The following MAST4 variants were observed in gnomAD, a reference collection of about 807,000 sequenced individuals.
MAST4 encodes the protein microtubule associated serine/threonine kinase family member 4.
Under a neutral mutation model 162.7 loss-of-function variants are expected in MAST4, and 89 were observed. The observed-to-expected ratio is 0.55, with a 90% CI of 0.46 to 0.65. The LOEUF is 0.65. Ranked by LOEUF, MAST4 falls within the 30% of genes least tolerant of loss-of-function variation. The pLI, the probability that MAST4 is intolerant of heterozygous loss-of-function variation, is 0.00. For missense variants in MAST4, 3,153 were observed against 3,374.0 expected (o/e 0.93, Z 1.62); for synonymous variants, 1,479 against 1,361.1 (o/e 1.09, Z -1.91).
intron 4 of MAST4, among the ~76,000 whole-genome samples, chr5:66,978,670 T>G (rs1004394270): frequency 7.2e-5 from 11 of 151,888 alleles, no homozygotes; most frequent in Non-Finnish European, 1.6e-4. Flanking sequence ...AGCAGAAGGG[T>G]AGGAGTGAAA....
Position 66,686,955 on chromosome 5 carries a change from CTT to C in MAST4, c.364-72751_364-72750del, listed in dbSNP as rs200619835. ...AAAATTTATTTCTAGGGGTTTTCAA[CTT>C]TTGTCATTTGTAAGACTGAAAAGTG... On this transcript the variant is annotated intron_variant, in intron 1 of 28. Coordinates refer to ENST00000403625, the MANE Select transcript of MAST4 (RefSeq NM_001164664.2). Among the ~76,000 whole-genome samples the C allele has an allele frequency of 8.1e-4, 124 of 152,206 alleles. 1 individual carries two copies. In the East Asian group the frequency reaches 0.024, roughly 29 times the overall value.
intron 1 of MAST4, among the ~76,000 whole-genome samples, chr5:66,746,250 C>A (rs1341563414): frequency 6.6e-6 from 1 of 152,186 alleles, no homozygotes; most frequent in African/African-American, 2.4e-5. Flanking sequence ...GATTGGTTGA[C>A]ACCAGGTTCT....
At chr5:66,916,707 C>G in intron 4 of MAST4, among the ~76,000 whole-genome samples, 1 of 152,132 alleles carries the variant, frequency 6.6e-6, no homozygotes, top group East Asian at 1.9e-4. Context: ...TTGCTACTAC[C>G]TGTCTTAAAC....
chr5:66,628,535 G>A (rs898101406), intron 1 of MAST4, among the ~76,000 whole-genome samples: 1 of 151,990 alleles, frequency 6.6e-6, no homozygotes, highest in Non-Finnish European at 1.5e-5. Flanking sequence ...AGTGCTCAGA[G>A]GAGAAAATTA....
chr5:66,617,019 TTCA>T (rs1208590525), intron 1 of MAST4, among the ~76,000 whole-genome samples: 1 of 152,218 alleles, frequency 6.6e-6, no homozygotes, highest in African/African-American at 2.4e-5. Flanking sequence ...ACCTTGCACA[TTCA>T]TATCTGGACT....
chr5:67,054,408 C>A lies in MAST4; in HGVS notation c.679C>A (p.Arg227=). ...TTTTTTCTTTCTTTTTGATAGTTGCCGAACAAGCAACCGGAAAAGCTTAAT... is the reference window on the plus strand; with the variant it reads ...TTTTTTCTTTCTTTTTGATAGTTGCAGAACAAGCAACCGGAAAAGCTTAAT... The part of the protein sequence containing the change: ...LSLPRRGSFC[R]TSNRKSLIGN... Residue 227 remains arginine, a synonymous_variant, in exon 5 of 29, where the codon CGA becomes AGA. Transcript: ENST00000403625. 6.2e-7 allele frequency: 1 copy of A among 1,601,408 alleles called. No homozygotes were observed. Among genetic ancestry groups the A allele is most frequent in the South Asian group, 1.1e-5 (1 of 88,476 alleles).
chr5:67,063,336 AC>A (rs1759855748), intron 5 of MAST4, among the ~76,000 whole-genome samples: 1 of 152,186 alleles, frequency 6.6e-6, no homozygotes, highest in Non-Finnish European at 1.5e-5. Flanking sequence ...GGGTGTATAT[AC>A]CAACATCATT....
chr5:67,009,125 G>GACA (rs1270875481), intron 4 of MAST4, among the ~76,000 whole-genome samples: 1 of 152,120 alleles, frequency 6.6e-6, no homozygotes, highest in African/African-American at 2.4e-5. Flanking sequence ...TTTCAATGAA[G>GACA]ACAAGTAAAT....
chr5:66,750,567 C>T (rs71632589), intron 1 of MAST4, among the ~76,000 whole-genome samples: 20,204 of 152,196 alleles, frequency 0.13, 1,481 homozygotes, highest in Admixed American at 0.17. Context: ...CACTCCCACC[C>T]GAATACTGCG....
At chr5:66,933,868 A>AT (rs944924521) in intron 4 of MAST4, among the ~76,000 whole-genome samples, 1 of 151,906 alleles carries the variant, frequency 6.6e-6, no homozygotes, top group African/African-American at 2.4e-5. Flanking sequence ...GCTTTTATCT[A>AT]TTTTTTTGAG....
intron 3 of MAST4, 73 bp downstream of exon 3, chr5:66,788,867 GT>G: frequency 6.9e-7 from 1 of 1,440,514 alleles, no homozygotes; most frequent in African/African-American, 1.5e-5. Context: ...AGTTAATTGA[GT>G]TTAACTATAT....
At chr5:66,945,384 C>T (rs1044304411) in intron 4 of MAST4, among the ~76,000 whole-genome samples, 1 of 152,092 alleles carries the variant, frequency 6.6e-6, no homozygotes, top group Non-Finnish European at 1.5e-5. Context: ...TATTTCCCCA[C>T]GGAAATCATG....
chr5:66,648,264 A>G (rs1179860618), intron 1 of MAST4, among the ~76,000 whole-genome samples: 1 of 152,122 alleles, frequency 6.6e-6, no homozygotes, highest in Non-Finnish European at 1.5e-5. Context: ...TTTCTGTGCT[A>G]TGATTAGAAC....
At chr5:67,049,031 A>ATATACACG (rs1554087427) in intron 4 of MAST4, among the ~76,000 whole-genome samples, 7 of 115,204 alleles carry the variant, frequency 6.1e-5, no homozygotes, top group Non-Finnish European at 1.1e-4. Context: ...ACGTATATAT[A>ATATACACG]TATATATATA....
At chr5:67,050,436 C>T (rs1758031655) in intron 4 of MAST4, among the ~76,000 whole-genome samples, 1 of 152,172 alleles carries the variant, frequency 6.6e-6, no homozygotes, top group Non-Finnish European at 1.5e-5. Flanking sequence ...TCACCTCCTG[C>T]CCCTCAGGGG....
chr5:67,049,522 A>G (rs868594768), intron 4 of MAST4, among the ~76,000 whole-genome samples: 1 of 152,236 alleles, frequency 6.6e-6, no homozygotes, highest in South Asian at 2.1e-4. Context: ...AGGTGTGAGG[A>G]AATAGTTAGC....
intron 4 of MAST4, among the ~76,000 whole-genome samples, chr5:67,032,188 A>G (rs1366255289): frequency 1.3e-5 from 2 of 152,112 alleles, no homozygotes. Context: ...CAATGAAAAA[A>G]TCTGACTTTG....
chr5:66,647,662 C>T (rs1194526084), intron 1 of MAST4, among the ~76,000 whole-genome samples: 1 of 152,118 alleles, frequency 6.6e-6, no homozygotes, highest in Admixed American at 6.6e-5. Flanking sequence ...AAACAAAATT[C>T]CTGTGGTATG....
chr5:66,950,044 G>T (rs913304334), intron 4 of MAST4, among the ~76,000 whole-genome samples: 2 of 152,048 alleles, frequency 1.3e-5, no homozygotes, highest in African/African-American at 4.8e-5. Flanking sequence ...CCAGCACATA[G>T]GAAACAGAAC....
Sources: gnomAD v4.1 joint callset for allele counts (sites outside exome capture counted in the v4.1 genomes callset) on GRCh38, gnomAD v4.1.1 for gene constraint, MANE v1.5 for transcripts, NCBI Gene and HGNC (gene_info 2026-07-23, HGNC 2026-07-21) for gene names.